Variants in NCAPG2 observed in about 807,000 individuals in gnomAD.
NCAPG2 encodes the protein non-SMC condensin II complex subunit G2, also known as condensin-2 complex subunit G2.
A neutral mutation model predicts 141.1 loss-of-function variants in NCAPG2; 53 were observed. The observed-to-expected ratio is 0.38, with a 90% CI of 0.30 to 0.47. NCAPG2 has a LOEUF of 0.47. NCAPG2 is among the 20% of genes least tolerant of loss of function. The probability of loss-of-function intolerance (pLI) is 0.99; values close to 1 mark genes in which losing one functional copy is unlikely to be tolerated. For synonymous variants in NCAPG2, 499 were observed against 490.7 expected (o/e 1.02, Z -0.22); for missense variants, 1,087 against 1,389.0 (o/e 0.78, Z 3.46).
At chr7:158,671,120 A>G (rs1432420981) in intron 13 of NCAPG2, among the ~76,000 whole-genome samples, 5 of 113,798 alleles carry the variant, frequency 4.4e-5, no homozygotes, top group Non-Finnish European at 8.5e-5. Context: ...CATACTAGAC[A>G]CTCTCCTCAT....
chr7:158,648,218 G>A (rs756366891), intron 24 of NCAPG2, among the ~76,000 whole-genome samples: 3 of 151,978 alleles, frequency 2.0e-5, no homozygotes, highest in Non-Finnish European at 2.9e-5. Flanking sequence ...CACAACTGGA[G>A]ATTCCTACCA....
chr7:158,686,245 T>C lies in NCAPG2; in HGVS notation c.768-4A>G, dbSNP rs1345720295. 3.3e-6 allele frequency: 5 copies of C among 1,499,526 alleles called. No individual in the cohort carries two copies. Among genetic ancestry groups the C allele is most frequent in the Admixed American group, 2.2e-5 (1 of 45,558 alleles). The allele number at this position is 1,499,526 out of a possible 1,614,324, so 92.9% of individuals were successfully genotyped here. A position where few individuals can be genotyped will look rare whatever the true frequency, so the allele number is the denominator to read the frequency against. Reference sequence around the variant, plus strand: ...TGCAATGTATACCATCAAAGACCTATATAAAAAGATCAAAATAGTTTTAAT... The same window carrying C: ...TGCAATGTATACCATCAAAGACCTACATAAAAAGATCAAAATAGTTTTAAT... On this transcript the variant is annotated splice_polypyrimidine_tract_variant and splice_region_variant and intron_variant, in intron 7 of 27. Coordinates refer to ENST00000356309, the MANE Select transcript of NCAPG2 (RefSeq NM_017760.7).
chr7:158,644,298 C>A lies in NCAPG2; in HGVS notation c.3371G>T (p.Ser1124Ile). The stretch of plus-strand genomic sequence containing the variant: ...AATATCTCTCCTTTACCTTTCAATG[C>A]TATCCTCTTCCAAAGTAATTTCCAT... ...TFMEITLEED[S>I]IERFLYESSS... Residue 1124 changes from serine (S) to isoleucine (I), a missense_variant, in exon 27 of 28, where the codon AGC becomes ATC. Ser to Ile is a moderately radical substitution (Grantham distance 142). Transcript: ENST00000356309. 6.2e-7 allele frequency: 1 copy of A among 1,609,900 alleles called. No individual in the cohort carries two copies.
intron 21 of NCAPG2, 179 bp downstream of exon 21, chr7:158,654,939 A>G: frequency 2.2e-5 from 25 of 1,130,448 alleles, no homozygotes; most frequent in Non-Finnish European, 2.9e-5. Context: ...ATAAAATTAC[A>G]CTGAAAGTAT....
chr7:158,642,142 G>A (rs1233521513), intron 27 of NCAPG2, among the ~76,000 whole-genome samples: 2 of 152,130 alleles, frequency 1.3e-5, no homozygotes, highest in Admixed American at 6.6e-5. Flanking sequence ...AACTAAATAG[G>A]TCAAAGAGGA....
intron 27 of NCAPG2, among the ~76,000 whole-genome samples, chr7:158,643,280 C>A (rs1479110280): frequency 2.6e-5 from 4 of 152,082 alleles, no homozygotes; most frequent in Non-Finnish European, 5.9e-5. Flanking sequence ...AGGGTTTTAC[C>A]ATGTTGGCCA....
At position 158,665,689 on chromosome 7, in the gene NCAPG2, C is replaced by G. The variant is rs6957734; in HGVS notation, c.1480-939G>C. Among the ~76,000 whole-genome samples the G allele has an allele frequency of 8.0e-3, 1,222 of 152,262 alleles. 13 individuals are homozygous for G. The highest frequency in any genetic ancestry group is 0.028 in the African/African-American group (1,153 of 41,550). On this transcript the variant is annotated intron_variant, in intron 13 of 27. Coordinates refer to ENST00000356309, the MANE Select transcript of NCAPG2 (RefSeq NM_017760.7). ...ACCTTCCCTCCCCCTTGTCAGTCGACCTGCTCCTAAGTGTGCCTGCATCCC... is the reference window on the plus strand; with the variant it reads ...ACCTTCCCTCCCCCTTGTCAGTCGAGCTGCTCCTAAGTGTGCCTGCATCCC...
intron 13 of NCAPG2, chr7:158,668,230 G>T (rs1248823068): frequency 6.7e-6 from 2 of 299,422 alleles, no homozygotes; most frequent in East Asian, 3.2e-4. Flanking sequence ...CCCACTACTG[G>T]GTCCCTCTGC....
chr7:158,670,924 AC>A (rs59407192), intron 13 of NCAPG2, among the ~76,000 whole-genome samples: 99 of 152,318 alleles, frequency 6.5e-4, no homozygotes, highest in African/African-American at 2.3e-3. Context: ...TCACAATGGT[AC>A]CAAATAATAA....
chr7:158,662,265 T>G lies in NCAPG2; in HGVS notation c.1918A>C (p.Asn640His), dbSNP rs1326950338. ...ATCGTGTAAAGTTTGGCCTCTTTAT[T>G]ATTTTCCATACTTCTGTCAATACTT... Reference protein sequence around the residue: ...WKSIDRSMENNKEAKLYTINK... With the variant: ...WKSIDRSMENHKEAKLYTINK... The change falls in exon 16 of 28, where the codon AAT (asparagine) becomes CAT (histidine). Residue 640 changes from asparagine to histidine, a missense_variant. Physicochemically the swap from Asn to His is moderately conservative, Grantham distance 68. Coordinates refer to ENST00000356309, the MANE Select transcript of NCAPG2 (RefSeq NM_017760.7). The G allele has an allele frequency of 1.2e-6, 2 of 1,611,010 alleles. No homozygotes were observed. The highest frequency in any genetic ancestry group is 4.5e-5 in the East Asian group (2 of 44,822).
At chr7:158,681,193 G>C (rs1225543069) in intron 9 of NCAPG2, among the ~76,000 whole-genome samples, 2 of 152,128 alleles carry the variant, frequency 1.3e-5, no homozygotes, top group Non-Finnish European at 2.9e-5. Flanking sequence ...AAGAGCTCAC[G>C]CTTGTTCCAA....
At chr7:158,687,802 T>C (rs987277677) in intron 6 of NCAPG2, among the ~76,000 whole-genome samples, 1 of 152,200 alleles carries the variant, frequency 6.6e-6, no homozygotes, top group African/African-American at 2.4e-5. Context: ...AAATCTAGCA[T>C]AGGTGGGTGG....
chr7:158,656,299 C>A lies in NCAPG2; in HGVS notation c.2349G>T (p.Lys783Asn), dbSNP rs1255759993. 1.2e-6 allele frequency: 2 copies of A among 1,614,202 alleles called. No homozygotes were observed. Among genetic ancestry groups the A allele is most frequent in the Non-Finnish European group, 1.7e-6 (2 of 1,180,044 alleles). ...NRECLLSAPR[K>N]KLNHLLKALE... ...GGGCTTTCAAAAGATGGTTAAGTTTCTTCCGAGGAGCAGAGAGCAAGCACT... is the reference window on the plus strand; with the variant it reads ...GGGCTTTCAAAAGATGGTTAAGTTTATTCCGAGGAGCAGAGAGCAAGCACT... Residue 783 changes from lysine to asparagine, a missense_variant, in exon 19 of 28, where the codon AAG becomes AAT. Transcript: ENST00000356309.
chr7:158,681,662 A>G (rs575714206), intron 9 of NCAPG2, among the ~76,000 whole-genome samples: 2 of 152,332 alleles, frequency 1.3e-5, no homozygotes, highest in South Asian at 4.1e-4. Flanking sequence ...ACATTAGTCT[A>G]TAGTTTGCTT....
At chr7:158,644,044 T>C (rs1830825443) in intron 27 of NCAPG2, among the ~76,000 whole-genome samples, 1 of 152,270 alleles carries the variant, frequency 6.6e-6, no homozygotes, top group South Asian at 2.1e-4. Context: ...TAAGTTTGTA[T>C]GCCCTCACTT....
intron 19 of NCAPG2, 63 bp from the exon 20 acceptor site, chr7:158,655,518 G>A: frequency 7.4e-7 from 1 of 1,357,954 alleles, no homozygotes. Context: ...ACCCCGTACA[G>A]CAAGAACAAT....
intron 11 of NCAPG2, 60 bp downstream of exon 11, chr7:158,679,900 C>A: frequency 1.3e-6 from 2 of 1,592,790 alleles, no homozygotes; most frequent in Non-Finnish European, 1.7e-6. Flanking sequence ...ACAAGCAGTA[C>A]ATGCCACAGC....
chr7:158,654,476 G>A (rs1217433584), intron 22 of NCAPG2, 119 bp downstream of exon 22: 4 of 1,002,332 alleles, frequency 4.0e-6, no homozygotes, highest in African/African-American at 3.4e-5. Context: ...TTTGGGATAT[G>A]CCAGGTTGCA....
At chr7:158,652,555 A>C (rs1161800238) in intron 22 of NCAPG2, 75 bp from the exon 23 acceptor site, 40 of 1,175,932 alleles carry the variant, frequency 3.4e-5, no homozygotes, top group Non-Finnish European at 4.3e-5. Flanking sequence ...TTCTCACTTA[A>C]CACATGTATA....
Sources: allele counts gnomAD v4.1 joint callset (sites outside exome capture counted in the v4.1 genomes callset), GRCh38; gene constraint gnomAD v4.1.1; transcripts MANE v1.5; gene names NCBI Gene and HGNC (gene_info 2026-07-23, HGNC 2026-07-21).